The following TLE4 variants were observed in gnomAD, a reference collection of about 807,000 sequenced individuals.
TLE4 encodes the protein TLE family member 4, transcriptional corepressor.
Under a neutral mutation model 92.8 loss-of-function variants are expected in TLE4, and 8 were observed. That is an observed-to-expected ratio of 0.09 (90% CI 0.05 to 0.16). The LOEUF (loss-of-function observed/expected upper bound fraction) is 0.16. TLE4 is among the 10% of genes least tolerant of loss of function. The pLI, the probability that TLE4 is intolerant of heterozygous loss-of-function variation, is 1.00. For synonymous variants in TLE4, 371 were observed against 374.1 expected (o/e 0.99, Z 0.10); for missense variants, 675 against 997.6 (o/e 0.68, Z 4.36).
chr9:79,716,279 C>G (rs373744489), intron 14 of TLE4, among the ~76,000 whole-genome samples: 3 of 152,308 alleles, frequency 2.0e-5, no homozygotes, highest in South Asian at 4.1e-4. Context: ...TTCCCTCTGC[C>G]TGGCACGTTC....
intron 6 of TLE4, among the ~76,000 whole-genome samples, chr9:79,633,027 T>C (rs1450203599): frequency 6.6e-6 from 1 of 152,174 alleles, no homozygotes; most frequent in East Asian, 1.9e-4. Context: ...CTTCTGTGGG[T>C]GTGCCTGCCC....
chr9:79,649,598 C>T (rs1343399257), intron 6 of TLE4: 2 of 221,074 alleles, frequency 9.0e-6, no homozygotes, highest in Non-Finnish European at 1.8e-5. Flanking sequence ...ACATGATGTG[C>T]AGGTGGAGAG....
chr9:79,675,851 G>GT (rs2063168778), intron 8 of TLE4, among the ~76,000 whole-genome samples: 1 of 152,040 alleles, frequency 6.6e-6, no homozygotes, highest in Non-Finnish European at 1.5e-5. Context: ...TTGGATTTTG[G>GT]TTTTTTTCAG....
At chr9:79,645,341 G>A (rs868765811) in intron 6 of TLE4, among the ~76,000 whole-genome samples, 8 of 152,300 alleles carry the variant, frequency 5.3e-5, no homozygotes, top group Non-Finnish European at 8.8e-5. Context: ...TGTTGATAGC[G>A]TAGTAGAGTT....
chr9:79,614,515 C>CT (rs1445536313), intron 5 of TLE4, among the ~76,000 whole-genome samples: 1 of 152,070 alleles, frequency 6.6e-6, no homozygotes, highest in Non-Finnish European at 1.5e-5. Flanking sequence ...AATTAATTGT[C>CT]TAAGGAAGTT....
chr9:79,618,313 A>G (rs2050134176), intron 5 of TLE4, among the ~76,000 whole-genome samples: 1 of 152,264 alleles, frequency 6.6e-6, no homozygotes, highest in African/African-American at 2.4e-5. Flanking sequence ...TTTCAGTTAC[A>G]TAAGATATAA....
Position 79,675,563 on chromosome 9 carries a change from A to G in TLE4, c.609+21488A>G, listed in dbSNP as rs866710687. Among the ~76,000 whole-genome samples, 10 of 152,176 alleles carry G rather than the reference A, an allele frequency of 6.6e-5. No individual in the cohort carries two copies. In the South Asian group the frequency reaches 8.3e-4, roughly 13 times the overall value. On this transcript the variant is annotated intron_variant, in intron 8 of 19. Transcript: ENST00000376552. ...ATTTCATTTATTCTTCATTTAACCA[A>G]CCACTTTAAAACAAACATAAAATCC...
chr9:79,630,891 T>A (rs988734990), intron 6 of TLE4, among the ~76,000 whole-genome samples: 3 of 151,992 alleles, frequency 2.0e-5, no homozygotes, highest in Admixed American at 1.3e-4. Flanking sequence ...GTGTGAATAG[T>A]GGAAAAGAAA....
chr9:79,609,905 A>T (rs1224161933), intron 4 of TLE4, among the ~76,000 whole-genome samples: 1 of 152,074 alleles, frequency 6.6e-6, no homozygotes, highest in African/African-American at 2.4e-5. Context: ...GCCCTGATTA[A>T]CCATGTGATT....
intron 14 of TLE4, 119 bp downstream of exon 14, chr9:79,709,818 A>G: frequency 1.4e-6 from 1 of 714,388 alleles, no homozygotes. Context: ...GTATTTTTTT[A>G]CCTTGCAAGG....
intron 8 of TLE4, among the ~76,000 whole-genome samples, chr9:79,695,767 T>A (rs1265796082): frequency 6.6e-6 from 1 of 152,152 alleles, no homozygotes; most frequent in African/African-American, 2.4e-5. Context: ...TTTCTGAAGA[T>A]GTGACATTTA....
At chr9:79,699,640 G>A (rs558187508) in intron 8 of TLE4, among the ~76,000 whole-genome samples, 63 of 152,294 alleles carry the variant, frequency 4.1e-4, no homozygotes, top group African/African-American at 1.3e-3. Flanking sequence ...AAGCCATAAC[G>A]AATGAGTTTT....
At chr9:79,626,025 T>G (rs2052529724) in intron 5 of TLE4, among the ~76,000 whole-genome samples, 1 of 152,102 alleles carries the variant, frequency 6.6e-6, no homozygotes, top group Non-Finnish European at 1.5e-5. Flanking sequence ...TAAGATTCTA[T>G]GGTCTATTAT....
rs778902531 is a variant in TLE4 at position 79,708,603 on chromosome 9, A to G, written c.1080A>G (p.Leu360=). 3.7e-6 allele frequency: 6 copies of G among 1,612,466 alleles called. No individual in the cohort carries two copies. Among genetic ancestry groups the G allele is most frequent in the Non-Finnish European group, 5.1e-6 (6 of 1,179,208 alleles). The change falls in exon 13 of 20, where the codon CTA becomes CTG. Residue 360 remains leucine, a synonymous_variant. Transcript: ENST00000376552. ...PPGVDPLASS[L]RTPMAVPCPY... Reference sequence around the variant, plus strand: ...CATTTTGGTTTGCAGCCTCAAGCCTAAGGACCCCAATGGCAGTACCTTGTC... The same window carrying G: ...CATTTTGGTTTGCAGCCTCAAGCCTGAGGACCCCAATGGCAGTACCTTGTC...
intron 8 of TLE4, among the ~76,000 whole-genome samples, chr9:79,657,884 T>C (rs2059985974): frequency 6.6e-6 from 1 of 152,240 alleles, no homozygotes; most frequent in Admixed American, 6.5e-5. Context: ...GTGCATTCTT[T>C]ATTACTTTGT....
chr9:79,700,190 A>G (rs1269554893), intron 8 of TLE4, among the ~76,000 whole-genome samples: 1 of 152,222 alleles, frequency 6.6e-6, no homozygotes, highest in African/African-American at 2.4e-5. Flanking sequence ...GTTACCCCAG[A>G]CTAAAGAGAG....
intron 6 of TLE4, among the ~76,000 whole-genome samples, chr9:79,648,279 GGGGTA>G (rs2058411488): frequency 6.6e-6 from 1 of 152,178 alleles, no homozygotes; most frequent in African/African-American, 2.4e-5. Context: ...CTAGGTGCCA[GGGGTA>G]CTAAGAGGCC....
intron 14 of TLE4, among the ~76,000 whole-genome samples, chr9:79,710,650 A>C (rs1406458308): frequency 9.2e-5 from 14 of 152,114 alleles, no homozygotes; most frequent in Non-Finnish European, 4.4e-5. Flanking sequence ...CTTCCTGCAA[A>C]ACTTTCTGTG....
intron 8 of TLE4, among the ~76,000 whole-genome samples, chr9:79,691,369 G>A (rs1420257865): frequency 2.0e-5 from 3 of 152,200 alleles, no homozygotes; most frequent in Non-Finnish European, 4.4e-5. Flanking sequence ...ACTTAGTGTT[G>A]TTTTTAATTG....
Sources: gnomAD v4.1 joint callset for allele counts (sites outside exome capture counted in the v4.1 genomes callset) on GRCh38, gnomAD v4.1.1 for gene constraint, MANE v1.5 for transcripts, NCBI Gene and HGNC (gene_info 2026-07-23, HGNC 2026-07-21) for gene names.